TSPAN2: variants seen among roughly 807,000 people sequenced by gnomAD.
The protein encoded by TSPAN2 is tetraspanin 2.
In TSPAN2, 24 loss-of-function variants were observed where a neutral mutation model predicts 33.3. The ratio of observed to expected loss-of-function variants is 0.72; its 90% CI spans 0.52 to 1.01. The LOEUF (loss-of-function observed/expected upper bound fraction) is 1.01, where lower values mean the gene tolerates loss of function less well. Ranked by LOEUF, TSPAN2 falls within the 50% of genes least tolerant of loss-of-function variation. The pLI is 0.00. For missense variants in TSPAN2, 278 were observed against 281.3 expected (o/e 0.99, Z 0.08); for synonymous variants, 114 against 104.5 (o/e 1.09, Z -0.56).
At chr1:115,088,298 A>G (rs1013699842) in intron 1 of TSPAN2, among the ~76,000 whole-genome samples, 2 of 152,190 alleles carry the variant, frequency 1.3e-5, no homozygotes, top group African/African-American at 4.8e-5. Flanking sequence ...AACGTCCCCC[A>G]GAGCAGATAG....
At chr1:115,067,707 A>G (rs1221382725) in intron 2 of TSPAN2, among the ~76,000 whole-genome samples, 1 of 152,208 alleles carries the variant, frequency 6.6e-6, no homozygotes, top group Non-Finnish European at 1.5e-5. Flanking sequence ...AGACAGCTGC[A>G]GTCAGGCTGC....
intron 2 of TSPAN2, among the ~76,000 whole-genome samples, chr1:115,070,930 G>A (rs1032689092): frequency 5.3e-5 from 8 of 152,186 alleles, no homozygotes; most frequent in African/African-American, 1.7e-4. Flanking sequence ...GCCCAGGACT[G>A]TGAATGCTGG....
At chr1:115,062,098 A>ACC in intron 3 of TSPAN2, 37 bp downstream of exon 3, 1 of 1,382,770 alleles carries the variant, frequency 7.2e-7, no homozygotes, top group Admixed American at 2.0e-5. Context: ...CCGCTCCCTC[A>ACC]CCCCCACCCC....
chr1:115,076,903 C>T (rs1166324128), intron 1 of TSPAN2, among the ~76,000 whole-genome samples: 1 of 151,684 alleles, frequency 6.6e-6, no homozygotes, highest in Non-Finnish European at 1.5e-5. Flanking sequence ...TGCCAGAAAG[C>T]ACCATTTTTT....
At chr1:115,087,443 G>A (rs1192982409) in intron 1 of TSPAN2, among the ~76,000 whole-genome samples, 1 of 151,478 alleles carries the variant, frequency 6.6e-6, no homozygotes, top group African/African-American at 2.4e-5. Context: ...GTAAAATCCC[G>A]TCTGTACTAA....
At position 115,057,473 on chromosome 1, in the gene TSPAN2, C is replaced by T. The variant is rs1016396039; in HGVS notation, c.516+64G>A. ...CAGATCCCATCCGAGATTCTACCTT[C>T]AATGGCTTCCTAAGCTAGCAGCATG... On this transcript the variant is annotated intron_variant, in intron 6 of 7. Coordinates refer to ENST00000369516, the MANE Select transcript of TSPAN2 (RefSeq NM_005725.6). 10 of 1,492,376 alleles carry T rather than the reference C, an allele frequency of 6.7e-6. No individual in the cohort carries two copies. In the African/African-American group the frequency reaches 1.1e-4, roughly 17 times the overall value. The allele number at this position is 1,492,376 out of a possible 1,614,324, so 92.4% of individuals were successfully genotyped here.
chr1:115,067,483 T>C (rs1324587649), intron 2 of TSPAN2, among the ~76,000 whole-genome samples: 4 of 152,140 alleles, frequency 2.6e-5, no homozygotes, highest in African/African-American at 4.8e-5. Context: ...GGAGAAATTG[T>C]CTCAACAATG....
intron 6 of TSPAN2, among the ~76,000 whole-genome samples, chr1:115,055,458 A>C (rs1320899276): frequency 1.3e-5 from 2 of 152,190 alleles, no homozygotes; most frequent in Non-Finnish European, 2.9e-5. Flanking sequence ...GAGCTTTTTA[A>C]ACTTAATATT....
At chr1:115,064,319 T>G (rs1374762535) in intron 2 of TSPAN2, among the ~76,000 whole-genome samples, 1 of 152,220 alleles carries the variant, frequency 6.6e-6, no homozygotes. Context: ...AGTTCCTTCA[T>G]GGAATGTCTC....
intron 2 of TSPAN2, among the ~76,000 whole-genome samples, chr1:115,066,048 T>G (rs966954068): frequency 6.6e-6 from 1 of 152,216 alleles, no homozygotes; most frequent in Non-Finnish European, 1.5e-5. Context: ...TGGCCTCTAG[T>G]TCCATCCATG....
chr1:115,084,002 C>T (rs1162752679), intron 1 of TSPAN2, among the ~76,000 whole-genome samples: 13 of 152,128 alleles, frequency 8.5e-5, no homozygotes, highest in African/African-American at 2.7e-4. Flanking sequence ...TGGCAGGGAA[C>T]GGTGGAGGAA....
chr1:115,069,920 T>C (rs1648096882), intron 2 of TSPAN2, among the ~76,000 whole-genome samples: 1 of 152,234 alleles, frequency 6.6e-6, no homozygotes, highest in Non-Finnish European at 1.5e-5. Context: ...TGGTTAAATA[T>C]GACATGAAGG....
chr1:115,057,721 G>T, intron 5 of TSPAN2, 113 bp from the exon 6 acceptor site: 1 of 878,898 alleles, frequency 1.1e-6, no homozygotes, highest in Non-Finnish European at 1.9e-6. Flanking sequence ...CCGAGGCCCA[G>T]TCACTGCAAC....
intron 1 of TSPAN2, among the ~76,000 whole-genome samples, chr1:115,078,698 G>A (rs1648507851): frequency 6.6e-6 from 1 of 152,122 alleles, no homozygotes; most frequent in Non-Finnish European, 1.5e-5. Context: ...CCTGACCTCT[G>A]ACTTCTAGTC....
chr1:115,066,796 C>T (rs1647968981), intron 2 of TSPAN2, among the ~76,000 whole-genome samples: 1 of 152,090 alleles, frequency 6.6e-6, no homozygotes, highest in Non-Finnish European at 1.5e-5. Flanking sequence ...TTGGGAAGGG[C>T]AAGTGTTTCA....
At chr1:115,089,122 A>G (rs1483878534) in intron 1 of TSPAN2, among the ~76,000 whole-genome samples, 1 of 152,162 alleles carries the variant, frequency 6.6e-6, no homozygotes, top group Non-Finnish European at 1.5e-5. Flanking sequence ...CTTCCAGGAA[A>G]GAGCCACACG....
intron 3 of TSPAN2, 79 bp from the exon 4 acceptor site, chr1:115,060,617 G>A (rs947079982): frequency 1.2e-5 from 13 of 1,099,020 alleles, no homozygotes; most frequent in Admixed American, 4.4e-5. Context: ...GTTTCCTTAT[G>A]TAATGGCTGA....
intron 2 of TSPAN2, among the ~76,000 whole-genome samples, chr1:115,067,589 T>C (rs1275570733): frequency 6.6e-6 from 1 of 152,174 alleles, no homozygotes; most frequent in Non-Finnish European, 1.5e-5. Context: ...TCAGAGTTTT[T>C]AACAAGCCAA....
intron 6 of TSPAN2, 78 bp downstream of exon 6, chr1:115,057,459 C>T (rs888778669): frequency 3.2e-5 from 44 of 1,394,130 alleles, no homozygotes; most frequent in South Asian, 5.8e-5. Context: ...AGATCCCATC[C>T]GAGATTCTAC....
Sources: gnomAD v4.1 joint callset for allele counts (sites outside exome capture counted in the v4.1 genomes callset) on GRCh38, gnomAD v4.1.1 for gene constraint, MANE v1.5 for transcripts, NCBI Gene and HGNC (gene_info 2026-07-23, HGNC 2026-07-21) for gene names.